Variants in SH3BP5 observed in about 807,000 individuals in gnomAD.
The protein encoded by SH3BP5 is SH3 domain binding protein 5.
SH3BP5 carries 22 observed loss-of-function variants against 43.3 expected under a neutral mutation model. That is an observed-to-expected ratio of 0.51 (90% CI 0.36 to 0.73). The LOEUF is 0.73. Ranked by LOEUF, SH3BP5 falls within the 30% of genes least tolerant of loss-of-function variation. SH3BP5 has a pLI of 0.00. For missense variants in SH3BP5, 529 were observed against 586.9 expected, an observed-to-expected ratio of 0.90 and a Z score of 1.02; for synonymous variants, 255 against 225.8, an observed-to-expected ratio of 1.13 and a Z score of -1.16.
At chr3:15,337,083 A>AG (rs1698708693), upstream of SH3BP5, among the ~76,000 whole-genome samples, 1 of 96,346 alleles carries the variant, frequency 1.0e-5, no homozygotes, top group African/African-American at 4.4e-5. Flanking sequence ...TTTTTAGTTT[A>AG]GTTTTTTTTT....
At chr3:15,268,174 C>A (rs962749413) in intron 4 of SH3BP5, among the ~76,000 whole-genome samples, 2 of 152,210 alleles carry the variant, frequency 1.3e-5, no homozygotes, top group Non-Finnish European at 2.9e-5. Context: ...GAGTCTCAGG[C>A]TGCAGGGAGA....
chr3:15,258,781 A>T (rs761760295), intron 7 of SH3BP5, 50 bp downstream of exon 7: 3 of 1,517,320 alleles, frequency 2.0e-6, no homozygotes, highest in East Asian at 4.5e-5. Flanking sequence ...TGGGAAACAA[A>T]TCACACAGTC....
At chr3:15,339,499 G>A (rs559287405) in intron 1 of SH3BP5, among the ~76,000 whole-genome samples, 5 of 152,134 alleles carry the variant, frequency 3.3e-5, no homozygotes, top group Non-Finnish European at 7.4e-5. Context: ...ATCACCTGAG[G>A]TCAGGAGTTT....
chr3:15,332,646 C>G (rs1004357944), upstream of SH3BP5: 1 of 1,159,216 alleles, frequency 8.6e-7, no homozygotes, highest in African/African-American at 1.6e-5. Context: ...CGCTCCGCCC[C>G]CGTCCCGCCC....
intron 6 of SH3BP5, 145 bp downstream of exon 6, chr3:15,259,616 T>G: frequency 1.2e-6 from 1 of 828,722 alleles, no homozygotes; most frequent in Non-Finnish European, 2.1e-6. Flanking sequence ...ACCGAGACAA[T>G]TTTGAGGTCT....
chr3:15,319,234 C>T (rs779687076), intron 2 of SH3BP5, among the ~76,000 whole-genome samples: 21 of 152,196 alleles, frequency 1.4e-4, no homozygotes, highest in Non-Finnish European at 2.9e-4. Context: ...GCAAGGCCCA[C>T]AGCATTGCTA....
At chr3:15,319,299 A>G (rs1028694877) in intron 2 of SH3BP5, among the ~76,000 whole-genome samples, 2 of 152,236 alleles carry the variant, frequency 1.3e-5, no homozygotes, top group Non-Finnish European at 2.9e-5. Context: ...CACTGGGAAT[A>G]CTAACCAAAG....
At chr3:15,321,895 T>C (rs1351552565) in intron 2 of SH3BP5, among the ~76,000 whole-genome samples, 1 of 152,206 alleles carries the variant, frequency 6.6e-6, no homozygotes, top group Non-Finnish European at 1.5e-5. Flanking sequence ...TTCACATTCT[T>C]TGGCCCACAC....
At chr3:15,332,135 G>A (rs981809392) in intron 1 of SH3BP5, 136 bp downstream of exon 1, 14 of 1,367,308 alleles carry the variant, frequency 1.0e-5, no homozygotes, top group Non-Finnish European at 1.4e-5. Context: ...CATACAGACC[G>A]TCTCCTGCCA....
intron 3 of SH3BP5, among the ~76,000 whole-genome samples, chr3:15,272,538 A>G (rs1347509721): frequency 1.7e-5 from 2 of 119,166 alleles, no homozygotes; most frequent in Non-Finnish European, 3.4e-5. Flanking sequence ...TAAAGACATT[A>G]CAAAACAGAG....
At chr3:15,280,297 T>C (rs4685245) in intron 3 of SH3BP5, among the ~76,000 whole-genome samples, 24,056 of 151,952 alleles carry the variant, frequency 0.16, 2,052 homozygotes, top group African/African-American at 0.19. Context: ...CTTCATGCTC[T>C]AGCAGTGTGC....
upstream of SH3BP5, among the ~76,000 whole-genome samples, chr3:15,337,084 G>GTTT (rs374056927): frequency 9.9e-3 from 993 of 99,934 alleles, 17 homozygotes; most frequent in African/African-American, 0.027. Context: ...TTTTAGTTTA[G>GTTT]TTTTTTTTTT....
At chr3:15,332,049 G>A (rs1295549619) in intron 1 of SH3BP5, 2 of 652,222 alleles carry the variant, frequency 3.1e-6, no homozygotes, top group African/African-American at 3.8e-5. Flanking sequence ...GGTCGGCGGG[G>A]GACTCCCCGC....
intron 2 of SH3BP5, among the ~76,000 whole-genome samples, chr3:15,318,925 GTTC>G (rs1698252146): frequency 1.9e-5 from 1 of 52,662 alleles, no homozygotes; most frequent in Non-Finnish European, 3.7e-5. Flanking sequence ...GTTTTAACAA[GTTC>G]CAAGTGGGGA....
intron 3 of SH3BP5, among the ~76,000 whole-genome samples, chr3:15,297,693 AT>A (rs1345708234): frequency 6.6e-6 from 1 of 152,060 alleles, no homozygotes; most frequent in Non-Finnish European, 1.5e-5. Flanking sequence ...TCAACACTGT[AT>A]GAAAATGACC....
At chr3:15,325,405 T>A (rs563984578) in intron 2 of SH3BP5, among the ~76,000 whole-genome samples, 66 of 152,330 alleles carry the variant, frequency 4.3e-4, no homozygotes, top group Non-Finnish European at 1.2e-4. Context: ...TAAGCCAGGC[T>A]TAGCCCTGAT....
chr3:15,335,597 A>T, upstream of SH3BP5, among the ~76,000 whole-genome samples: 1 of 150,780 alleles, frequency 6.6e-6, no homozygotes, highest in South Asian at 2.1e-4. Context: ...TTAATGAAAA[A>T]ATAAATTAAA....
intron 4 of SH3BP5, among the ~76,000 whole-genome samples, chr3:15,268,891 G>A (rs2125062461): frequency 6.6e-6 from 1 of 152,222 alleles, no homozygotes. Flanking sequence ...TTAGGACATG[G>A]AAAAGATGGT....
intron 3 of SH3BP5, among the ~76,000 whole-genome samples, chr3:15,286,236 T>A (rs1697261991): frequency 6.6e-6 from 1 of 152,160 alleles, no homozygotes; most frequent in African/African-American, 2.4e-5. Context: ...GGGAATGGCC[T>A]AGTGACAGGG....
Sources: allele counts gnomAD v4.1 joint callset (sites outside exome capture counted in the v4.1 genomes callset), GRCh38; gene constraint gnomAD v4.1.1; transcripts MANE v1.5; gene names NCBI Gene and HGNC (gene_info 2026-07-23, HGNC 2026-07-21).